Variants in ANKRD62 observed in about 807,000 individuals in gnomAD.
ANKRD62 encodes the protein ankyrin repeat domain-containing protein 62.
A neutral mutation model predicts 98.8 loss-of-function variants in ANKRD62; 61 were observed. That is an observed-to-expected ratio of 0.62 (90% CI 0.50 to 0.76). The LOEUF (loss-of-function observed/expected upper bound fraction) is 0.76. Ranked by LOEUF, ANKRD62 falls within the 30% of genes least tolerant of loss-of-function variation. ANKRD62 has a pLI of 0.00. For synonymous variants in ANKRD62, 341 were observed against 367.9 expected (o/e 0.93, Z 0.84); for missense variants, 933 against 1,082.9 (o/e 0.86, Z 1.94).
At chr18:12,123,218 CTT>C (rs753649393) in intron 11 of ANKRD62, among the ~76,000 whole-genome samples, 5 of 141,806 alleles carry the variant, frequency 3.5e-5, no homozygotes, top group Non-Finnish European at 3.1e-5. Flanking sequence ...TTTCTAATTT[CTT>C]TTTTTTTTTT....
intron 10 of ANKRD62, among the ~76,000 whole-genome samples, chr18:12,118,483 C>T (rs191477430): frequency 1.3e-5 from 2 of 152,090 alleles, no homozygotes; most frequent in African/African-American, 4.8e-5. Context: ...GTGGCGGGCG[C>T]CTGTAATCCC....
the ANKRD62 span, among the ~76,000 whole-genome samples, chr18:12,178,095 C>T: frequency 4.0e-5 from 6 of 149,962 alleles, no homozygotes; most frequent in African/African-American, 7.5e-5. Flanking sequence ...AGCATTAGAA[C>T]GGGCATGAAA....
At chr18:12,173,397 A>G in the ANKRD62 span, among the ~76,000 whole-genome samples, 1 of 152,168 alleles carries the variant, frequency 6.6e-6, no homozygotes, top group African/African-American at 2.4e-5. Flanking sequence ...ATTGCATGTG[A>G]AATCTGTCTC....
chr18:12,157,736 G>A, the ANKRD62 span, among the ~76,000 whole-genome samples: 2 of 152,108 alleles, frequency 1.3e-5, no homozygotes, highest in African/African-American at 4.8e-5. Context: ...TCATTTTTAT[G>A]GACAAGGAGG....
chr18:12,132,305 A>T (rs1323016238), downstream of ANKRD62, among the ~76,000 whole-genome samples: 1 of 152,188 alleles, frequency 6.6e-6, no homozygotes, highest in African/African-American at 2.4e-5. Flanking sequence ...CATTGGTGCC[A>T]GTAACGTTGT....
Position 12,126,081 on chromosome 18 carries a change from A to G in ANKRD62, c.2260A>G (p.Met754Val). Residue 754 changes from methionine to valine, a missense_variant, in exon 13 of 14, where the codon ATG becomes GTG. Around this residue, in one of 3 missense-constraint regions of ANKRD62, gnomAD observed 362 missense variants for 434.5 expected, o/e 0.83. Transcript: ENST00000587848. The stretch of plus-strand genomic sequence containing the variant: ...GCGTCGATTGGAGGACATTGAACAC[A>G]TGTACCAAAATGACCAACCTATTTT... ...TQRRLEDIEH[M>V]YQNDQPILEK... 7.8e-6 allele frequency: 12 copies of G among 1,536,148 alleles called. No individual in the cohort carries two copies. Among genetic ancestry groups the G allele is most frequent in the South Asian group, 1.2e-5 (1 of 84,062 alleles).
chr18:12,145,577 G>A, the ANKRD62 span, among the ~76,000 whole-genome samples: 4 of 152,080 alleles, frequency 2.6e-5, no homozygotes, highest in Admixed American at 2.0e-4. Context: ...TTATAAGCAG[G>A]TCCCTGTTTC....
the ANKRD62 span, among the ~76,000 whole-genome samples, chr18:12,158,830 G>A: frequency 3.3e-5 from 5 of 151,956 alleles, no homozygotes; most frequent in Non-Finnish European, 5.9e-5. Flanking sequence ...CACCGCGCCC[G>A]GCCAGAAATT....
At chr18:12,152,899 AAAAG>A in the ANKRD62 span, among the ~76,000 whole-genome samples, 1 of 152,138 alleles carries the variant, frequency 6.6e-6, no homozygotes, top group Non-Finnish European at 1.5e-5. Context: ...ATTTCCAAAG[AAAAG>A]AAAACCCCAT....
intron 10 of ANKRD62, 23 bp from the exon 11 acceptor site, chr18:12,122,280 A>T (rs79788735): frequency 2.0e-6 from 3 of 1,514,294 alleles, no homozygotes; most frequent in Non-Finnish European, 2.6e-6. Context: ...TTTTATCTCT[A>T]TTTTGTCTTC....
the ANKRD62 span, among the ~76,000 whole-genome samples, chr18:12,170,958 C>CTTTT: frequency 7.3e-6 from 1 of 137,028 alleles, no homozygotes; most frequent in Admixed American, 7.2e-5. Flanking sequence ...GCAACCCCTG[C>CTTTT]TTTTTTTTTT....
intron 6 of ANKRD62, chr18:12,102,043 T>G: frequency 7.1e-7 from 1 of 1,406,708 alleles, no homozygotes; most frequent in Admixed American, 1.7e-5. Flanking sequence ...ATCATGGTAG[T>G]TGAAATAGCA....
the ANKRD62 span, among the ~76,000 whole-genome samples, chr18:12,158,035 C>A: frequency 6.6e-6 from 1 of 152,240 alleles, no homozygotes; most frequent in South Asian, 2.1e-4. Flanking sequence ...CCCCTTCCAG[C>A]GTCAGGTTTG....
At chr18:12,170,634 T>C in the ANKRD62 span, among the ~76,000 whole-genome samples, 1 of 152,216 alleles carries the variant, frequency 6.6e-6, no homozygotes, top group Non-Finnish European at 1.5e-5. Flanking sequence ...GTTCTGTAGA[T>C]GTCTATTAGG....
At chr18:12,168,316 G>T in the ANKRD62 span, among the ~76,000 whole-genome samples, 1 of 151,848 alleles carries the variant, frequency 6.6e-6, no homozygotes, top group Non-Finnish European at 1.5e-5. Flanking sequence ...TTTGTATAAG[G>T]TGTAAGGAAG....
At chr18:12,113,573 C>A (rs556480132) in intron 8 of ANKRD62, among the ~76,000 whole-genome samples, 1 of 152,316 alleles carries the variant, frequency 6.6e-6, no homozygotes, top group South Asian at 2.1e-4. Flanking sequence ...TTGCAGTGAG[C>A]CAAGATCACG....
intron 10 of ANKRD62, among the ~76,000 whole-genome samples, chr18:12,119,203 A>C (rs117206202): frequency 0.012 from 1,850 of 151,786 alleles, 27 homozygotes; most frequent in South Asian, 0.038. Context: ...TTTTTTTTGT[A>C]TCTGTACAGT....
the ANKRD62 span, among the ~76,000 whole-genome samples, chr18:12,165,287 AT>A: frequency 6.6e-6 from 1 of 151,960 alleles, no homozygotes; most frequent in Middle Eastern, 3.2e-3. Flanking sequence ...GTTATTATTG[AT>A]ATGTAAACAC....
At chr18:12,165,097 G>A in the ANKRD62 span, among the ~76,000 whole-genome samples, 1 of 151,714 alleles carries the variant, frequency 6.6e-6, no homozygotes, top group Non-Finnish European at 1.5e-5. Context: ...AGCTATTCCT[G>A]CGCTTTTTTG....
Sources: gnomAD v4.1 joint callset for allele counts (sites outside exome capture counted in the v4.1 genomes callset) on GRCh38, gnomAD v4.1.1 for gene constraint, gnomAD v4.1.1 regional missense constraint, MANE v1.5 for transcripts, NCBI Gene and HGNC (gene_info 2026-07-23, HGNC 2026-07-21) for gene names.